Variants in BECN1 observed in about 807,000 individuals in gnomAD.
BECN1 encodes the protein beclin 1, also known as beclin-1.
A neutral mutation model predicts 60.1 loss-of-function variants in BECN1; 15 were observed. That is an observed-to-expected ratio of 0.25 (90% CI 0.17 to 0.38). The LOEUF (loss-of-function observed/expected upper bound fraction) is 0.38, where lower values mean the gene tolerates loss of function less well. BECN1 is among the 10% of genes least tolerant of loss of function. The pLI, the probability that BECN1 is intolerant of heterozygous loss-of-function variation, is 1.00. For missense variants in BECN1, 424 were observed against 548.2 expected, an observed-to-expected ratio of 0.77 and a Z score of 2.26; for synonymous variants, 179 against 201.8, an observed-to-expected ratio of 0.89 and a Z score of 0.96.
At chr17:42,818,189 G>A in intron 7 of BECN1, 32 bp downstream of exon 7, 1 of 1,605,202 alleles carries the variant, frequency 6.2e-7, no homozygotes, top group Non-Finnish European at 8.5e-7. Flanking sequence ...GGAGCCTCGA[G>A]TGTGAGAAGA....
intron 7 of BECN1, among the ~76,000 whole-genome samples, 192 bp downstream of exon 7, chr17:42,818,029 C>A (rs1254049663): frequency 6.6e-6 from 1 of 152,186 alleles, no homozygotes; most frequent in Non-Finnish European, 1.5e-5. Context: ...CTTAATCATG[C>A]TGACTCTTCA....
intron 7 of BECN1, among the ~76,000 whole-genome samples, chr17:42,817,828 T>TA (rs1430673766): frequency 6.6e-6 from 1 of 152,160 alleles, no homozygotes; most frequent in Non-Finnish European, 1.5e-5. Context: ...GAATTACAGA[T>TA]ATGAACGACC....
intron 7 of BECN1, among the ~76,000 whole-genome samples, chr17:42,817,969 C>G (rs1597935361): frequency 6.6e-6 from 1 of 152,298 alleles, no homozygotes; most frequent in Non-Finnish European, 1.5e-5. Context: ...AGGACAGAGC[C>G]AAGACTGGAG....
Position 42,823,854 on chromosome 17 carries a change from G to T in BECN1, c.24C>A (p.Asn8Lys). 1 of 1,614,150 alleles carries T rather than the reference G, an allele frequency of 6.2e-7. No individual in the cohort carries two copies. The highest frequency in any genetic ancestry group is 8.5e-7 in the Non-Finnish European group (1 of 1,180,020). Residue 8 changes from asparagine (N) to lysine (K), a missense_variant, in exon 2 of 12, where the codon AAC becomes AAA. By Grantham distance (94) the Asn-to-Lys change is moderately conservative. Around this residue, in one of 3 missense-constraint regions of BECN1, gnomAD observed 96 missense variants for 125.6 expected, o/e 0.76. Coordinates refer to ENST00000590099, the MANE Select transcript of BECN1 (RefSeq NM_001313998.2). The part of the protein sequence containing the change: MEGSKTS[N>K]NSTMQVSFVC... Reference sequence around the variant, plus strand: ...CGAAGCTCACCTGCATGGTGCTGTTGTTGGACGTCTTAGACCCTTCCATCC... The same window carrying T: ...CGAAGCTCACCTGCATGGTGCTGTTTTTGGACGTCTTAGACCCTTCCATCC...
chr17:42,820,628 A>C, intron 3 of BECN1, 146 bp downstream of exon 3: 1 of 698,276 alleles, frequency 1.4e-6, no homozygotes, highest in East Asian at 2.7e-5. Flanking sequence ...AGAATGTCTC[A>C]TTACCCAGAG....
Position 42,810,727 on chromosome 17 carries a change from C to A in BECN1, c.*33G>T. 1 of 1,563,748 alleles carries A rather than the reference C, an allele frequency of 6.4e-7. No homozygotes were observed. Among genetic ancestry groups the A allele is most frequent in the Non-Finnish European group, 8.7e-7 (1 of 1,154,986 alleles). ...TTTGCAAACAAAACAAAATTAAAAGCCTTTAAGGCAAACCTCCCCCTAAGG... is the reference window on the plus strand; with the variant it reads ...TTTGCAAACAAAACAAAATTAAAAGACTTTAAGGCAAACCTCCCCCTAAGG... On this transcript the variant is annotated 3_prime_UTR_variant, in exon 12 of 12. Coordinates refer to ENST00000590099, the MANE Select transcript of BECN1 (RefSeq NM_001313998.2).
intron 7 of BECN1, among the ~76,000 whole-genome samples, chr17:42,817,251 C>T (rs1053579448): frequency 2.0e-5 from 3 of 149,828 alleles, no homozygotes; most frequent in Non-Finnish European, 4.4e-5. Context: ...GTCATGACTG[C>T]ACCACTGCAC....
At chr17:42,818,960 C>CT in intron 4 of BECN1, 83 bp from the exon 5 acceptor site, 1 of 1,492,886 alleles carries the variant, frequency 6.7e-7, no homozygotes. Flanking sequence ...GGCAGAGACT[C>CT]TCAAGCACCA....
chr17:42,810,641 T>C lies in BECN1; in HGVS notation c.*119A>G. 1 of 1,119,658 alleles carries C rather than the reference T, an allele frequency of 8.9e-7. No homozygotes were observed. Among genetic ancestry groups the C allele is most frequent in the Non-Finnish European group, 1.2e-6 (1 of 820,472 alleles). 69.4% of individuals were successfully genotyped at this position (1,119,658 alleles called of 1,614,324 possible). On this transcript the variant is annotated 3_prime_UTR_variant, in exon 12 of 12. Coordinates refer to ENST00000590099, the MANE Select transcript of BECN1 (RefSeq NM_001313998.2). ...AAATAAAGTGGCTTTTGTGGATTTT[T>C]TCTTTTTTGGTATTGTAAACATGTA...
chr17:42,819,187 C>T (rs568012569), intron 4 of BECN1: 35 of 470,190 alleles, frequency 7.4e-5, no homozygotes, highest in Admixed American at 5.7e-4. Flanking sequence ...AATATTATAC[C>T]CCTTGCCAGC....
At chr17:42,818,751 G>A (rs775257584) in intron 5 of BECN1, 36 bp downstream of exon 5, 20 of 1,613,836 alleles carry the variant, frequency 1.2e-5, no homozygotes, top group Non-Finnish European at 1.7e-5. Flanking sequence ...CTCCCAGCCA[G>A]GCCTACTGCT....
intron 8 of BECN1, chr17:42,815,029 G>A (rs2055116512): frequency 8.2e-6 from 2 of 243,362 alleles, no homozygotes; most frequent in East Asian, 1.1e-4. Flanking sequence ...CCTTTCCAAC[G>A]ATTCCACCCC....
intron 2 of BECN1, among the ~76,000 whole-genome samples, chr17:42,822,087 C>T (rs766185028): frequency 6.6e-6 from 1 of 152,112 alleles, no homozygotes; most frequent in Non-Finnish European, 1.5e-5. Context: ...CCTGCAGTCC[C>T]AGCTACTCAG....
intron 7 of BECN1, among the ~76,000 whole-genome samples, chr17:42,817,307 A>C (rs910283797): frequency 3.9e-5 from 6 of 152,030 alleles, no homozygotes; most frequent in Admixed American, 6.6e-5. Context: ...AAAAAAAAAA[A>C]AACAAAAAAA....
In BECN1 at chr17:42,814,514, C is replaced by T. The variant is rs147341724; in HGVS notation, c.980+10G>A. 2.6e-4 allele frequency: 424 copies of T among 1,614,088 alleles called. 5 individuals carry two copies. The East Asian group carries it at 8.8e-3, about 34-fold the overall frequency. Reference sequence around the variant, plus strand: ...CACATCACTCCCCAAGAAAGGGCTACACTTCCTACCTCTGAAATTTCAGAC... The same window carrying T: ...CACATCACTCCCCAAGAAAGGGCTATACTTCCTACCTCTGAAATTTCAGAC... On this transcript the variant is annotated intron_variant, in intron 9 of 11. Transcript: ENST00000590099.
Position 42,814,858 on chromosome 17 carries a change from A to G in BECN1, c.831-185T>C, listed in dbSNP as rs187656535. 1.2e-4 allele frequency: 89 copies of G among 733,670 alleles called. No individual in the cohort carries two copies. The African/African-American group carries it at 1.5e-3, about 12-fold the overall frequency. The allele number at this position is 733,670 out of a possible 1,614,324, so 45.4% of individuals were successfully genotyped here. Reference sequence around the variant, plus strand: ...TCTTTTTCCCTGCTGCTCAGATGCCAAAGCAGAAACCTGGGTGGTATCCTT... The same window carrying G: ...TCTTTTTCCCTGCTGCTCAGATGCCGAAGCAGAAACCTGGGTGGTATCCTT... On this transcript the variant is annotated intron_variant, in intron 8 of 11. Transcript: ENST00000590099.
In BECN1 at chr17:42,818,626, G is replaced by A. The variant is rs749913352; in HGVS notation, c.406C>T (p.Leu136Phe). The part of the protein sequence containing the change: ...MSGQTDVDHP[L>F]CEECTDTLLD... ...AGAGTATCTGTGCATTCCTCACAGA[G>A]TGGGTGATCCACATCTGTCTGGCCC... Residue 136 changes from leucine to phenylalanine, a missense_variant, in exon 6 of 12, where the codon CTC (leucine) becomes TTC (phenylalanine). Coordinates refer to ENST00000590099, the MANE Select transcript of BECN1 (RefSeq NM_001313998.2). The A allele has an allele frequency of 6.2e-6, 10 of 1,614,056 alleles. No individual in the cohort carries two copies. The highest frequency in any genetic ancestry group is 7.6e-6 in the Non-Finnish European group (9 of 1,180,010).
At chr17:42,814,071 T>C in intron 9 of BECN1, 63 bp from the exon 10 acceptor site, 1 of 1,173,730 alleles carries the variant, frequency 8.5e-7, no homozygotes, top group Non-Finnish European at 1.2e-6. Flanking sequence ...ATTGGGAAGT[T>C]ACAACCCAAT....
chr17:42,818,853 G>A lies in BECN1; in HGVS notation c.285C>T (p.Asn95=), dbSNP rs2055201600. The change falls in exon 5 of 12, where the codon AAC becomes AAT. Residue 95 remains asparagine, a synonymous_variant. Transcript: ENST00000590099. The part of the protein sequence containing the change: ...PARMMSTESA[N]SFTLIGEASD... ...ATGCCTCCCCAATCAGAGTGAAGCT[G>A]TTGGCACTTTCTGTGGACATCATCC... The A allele has an allele frequency of 1.2e-6, 2 of 1,614,048 alleles. No individual in the cohort carries two copies. Among genetic ancestry groups the A allele is most frequent in the African/African-American group, 2.7e-5 (2 of 74,914 alleles).
Sources: allele counts gnomAD v4.1 joint callset (sites outside exome capture counted in the v4.1 genomes callset), GRCh38; gene constraint gnomAD v4.1.1; regional missense constraint gnomAD v4.1.1; transcripts MANE v1.5; gene names NCBI Gene and HGNC (gene_info 2026-07-23, HGNC 2026-07-21).